CDH12: variants seen among roughly 807,000 people sequenced by gnomAD.
CDH12 encodes cadherin 12.
Under a neutral mutation model 74.1 loss-of-function variants are expected in CDH12, and 41 were observed. That is an observed-to-expected ratio of 0.55 (90% CI 0.43 to 0.72). The LOEUF is 0.72. CDH12 is among the 30% of genes least tolerant of loss of function. The pLI is 0.00. For missense variants in CDH12, 945 were observed against 977.2 expected (o/e 0.97, Z 0.44); for synonymous variants, 399 against 355.0 (o/e 1.12, Z -1.39).
chr5:22,809,798 G>A (rs555798381), intron 1 of CDH12, among the ~76,000 whole-genome samples: 37 of 152,052 alleles, frequency 2.4e-4, no homozygotes, highest in African/African-American at 8.9e-4. Context: ...ATAACTTGGT[G>A]TATTTTAATA....
intron 3 of CDH12, among the ~76,000 whole-genome samples, chr5:22,245,217 G>C (rs1752905896): frequency 6.6e-6 from 1 of 152,100 alleles, no homozygotes. Context: ...TTTAAAATCG[G>C]GCTACTGAAA....
intron 7 of CDH12, among the ~76,000 whole-genome samples, chr5:21,851,251 C>A (rs1324879952): frequency 6.6e-6 from 1 of 151,022 alleles, no homozygotes; most frequent in Non-Finnish European, 1.5e-5. Flanking sequence ...AATACATTAA[C>A]AGAATTTTAA....
intron 6 of CDH12, among the ~76,000 whole-genome samples, chr5:21,880,600 C>CT (rs1752237958): frequency 2.0e-5 from 1 of 48,842 alleles, no homozygotes; most frequent in African/African-American, 6.7e-5. Context: ...TCCTTCCTTC[C>CT]TTCCTTCCTT....
intron 2 of CDH12, among the ~76,000 whole-genome samples, chr5:22,411,403 G>A (rs1242265133): frequency 6.6e-6 from 1 of 151,792 alleles, no homozygotes; most frequent in Non-Finnish European, 1.5e-5. Flanking sequence ...ATTAGTAAAT[G>A]GTAGGAAAGA....
intron 6 of CDH12, among the ~76,000 whole-genome samples, chr5:21,923,093 T>A (rs567310980): frequency 2.1e-5 from 3 of 143,258 alleles, no homozygotes; most frequent in East Asian, 5.4e-4. Flanking sequence ...ATTGCCACTT[T>A]AATATTTTTC....
At chr5:22,245,225 A>T (rs1752906031) in intron 3 of CDH12, among the ~76,000 whole-genome samples, 1 of 152,216 alleles carries the variant, frequency 6.6e-6, no homozygotes, top group Admixed American at 6.5e-5. Flanking sequence ...CGGGCTACTG[A>T]AAAATTATGA....
intron 5 of CDH12, among the ~76,000 whole-genome samples, chr5:22,062,118 T>C (rs1741229607): frequency 6.6e-6 from 1 of 152,176 alleles, no homozygotes; most frequent in Non-Finnish European, 1.5e-5. Flanking sequence ...TTTGAAATAC[T>C]GGTTTTAGGT....
At chr5:22,808,747 AC>A (rs1249968163) in intron 1 of CDH12, among the ~76,000 whole-genome samples, 2 of 127,866 alleles carry the variant, frequency 1.6e-5, no homozygotes, top group Non-Finnish European at 3.2e-5. Context: ...CTACAGGCAT[AC>A]CCCACCACAC....
At chr5:22,425,302 T>G (rs1743877794) in intron 2 of CDH12, among the ~76,000 whole-genome samples, 1 of 150,926 alleles carries the variant, frequency 6.6e-6, no homozygotes, top group Non-Finnish European at 1.5e-5. Flanking sequence ...GTTTTGTGAG[T>G]GTGGTAGTTT....
At chr5:22,370,978 T>A (rs1741264036) in intron 3 of CDH12, among the ~76,000 whole-genome samples, 1 of 152,152 alleles carries the variant, frequency 6.6e-6, no homozygotes, top group Non-Finnish European at 1.5e-5. Context: ...CAATTACTTT[T>A]TGTTTGGAAG....
chr5:22,515,353 A>G (rs957554060), intron 1 of CDH12, among the ~76,000 whole-genome samples: 1 of 152,138 alleles, frequency 6.6e-6, no homozygotes, highest in Admixed American at 6.5e-5. Context: ...AATAGCTAAG[A>G]CATTAATAAT....
intron 3 of CDH12, among the ~76,000 whole-genome samples, chr5:22,400,062 T>C (rs926194846): frequency 6.6e-6 from 1 of 152,168 alleles, no homozygotes; most frequent in Non-Finnish European, 1.5e-5. Flanking sequence ...GAGCTTCTTT[T>C]CAATCTTCAT....
intron 1 of CDH12, among the ~76,000 whole-genome samples, chr5:22,655,681 G>T (rs964434583): frequency 2.6e-5 from 4 of 152,138 alleles, no homozygotes; most frequent in East Asian, 3.9e-4. Context: ...ATGCCCTTTT[G>T]CAGGGAAGTT....
intron 6 of CDH12, among the ~76,000 whole-genome samples, chr5:21,968,065 T>C (rs948915590): frequency 6.6e-6 from 1 of 152,166 alleles, no homozygotes; most frequent in Non-Finnish European, 1.5e-5. Context: ...TAAACTTGGT[T>C]AAATTTGTAG....
intron 1 of CDH12, among the ~76,000 whole-genome samples, chr5:22,698,004 G>C (rs1256475580): frequency 1.3e-5 from 2 of 151,602 alleles, no homozygotes; most frequent in African/African-American, 4.9e-5. Flanking sequence ...TACTGTGAAA[G>C]TCACCTATCC....
chr5:22,762,617 G>T (rs1297278697), intron 1 of CDH12, among the ~76,000 whole-genome samples: 1 of 151,512 alleles, frequency 6.6e-6, no homozygotes, highest in Non-Finnish European at 1.5e-5. Context: ...AAAGGATTGG[G>T]ACTGAGAACT....
chr5:22,575,803 G>A (rs578058480), intron 1 of CDH12, among the ~76,000 whole-genome samples: 9 of 152,174 alleles, frequency 5.9e-5, no homozygotes, highest in East Asian at 3.9e-4. Context: ...GACCTCAAGC[G>A]ATCCGCCTGC....
chr5:22,233,392 G>A (rs1233077743), intron 3 of CDH12, among the ~76,000 whole-genome samples: 1 of 151,782 alleles, frequency 6.6e-6, no homozygotes, highest in Non-Finnish European at 1.5e-5. Flanking sequence ...AGGTACCATG[G>A]AGGATGGCTA....
intron 3 of CDH12, among the ~76,000 whole-genome samples, chr5:22,216,584 A>G (rs1252522349): frequency 8.6e-5 from 13 of 151,904 alleles, no homozygotes; most frequent in Non-Finnish European, 1.8e-4. Context: ...TTGCAGCAGC[A>G]GCATCAAGCT....
Sources: gnomAD v4.1 joint callset for allele counts (sites outside exome capture counted in the v4.1 genomes callset) on GRCh38, gnomAD v4.1.1 for gene constraint, MANE v1.5 for transcripts, NCBI Gene and HGNC (gene_info 2026-07-23, HGNC 2026-07-21) for gene names.